Variants in PDZD2 observed in about 807,000 individuals in gnomAD.
The protein encoded by PDZD2 is PDZ domain-containing protein 2.
PDZD2 carries 90 observed loss-of-function variants against 220.7 expected under a neutral mutation model. The observed-to-expected ratio is 0.41, with a 90% confidence interval of 0.34 to 0.49. The LOEUF (loss-of-function observed/expected upper bound fraction) is 0.49, where lower values mean the gene tolerates loss of function less well. PDZD2 is among the 20% of genes least tolerant of loss of function. The pLI is 0.28. For synonymous variants in PDZD2, 1,375 were observed against 1,450.5 expected, an observed-to-expected ratio of 0.95 and a Z score of 1.18; for missense variants, 3,174 against 3,608.5, an observed-to-expected ratio of 0.88 and a Z score of 3.08.
At chr5:31,715,963 C>T (rs1440320641) in intron 1 of PDZD2, among the ~76,000 whole-genome samples, 1 of 152,184 alleles carries the variant, frequency 6.6e-6, no homozygotes, top group Non-Finnish European at 1.5e-5. Flanking sequence ...TCTCTCAGCC[C>T]GTGCAAAGCT....
At chr5:31,663,780 C>T (rs1005184465) in intron 1 of PDZD2, among the ~76,000 whole-genome samples, 7 of 152,146 alleles carry the variant, frequency 4.6e-5, no homozygotes, top group Admixed American at 2.0e-4. Flanking sequence ...ATGGTCACTG[C>T]TGTCGTATGA....
intron 6 of PDZD2, among the ~76,000 whole-genome samples, chr5:32,017,555 C>T (rs780790423): frequency 6.6e-6 from 1 of 151,516 alleles, no homozygotes; most frequent in Non-Finnish European, 1.5e-5. Context: ...CTGGGAATTT[C>T]TCTCTGGGAT....
At chr5:31,714,070 C>T (rs930341483) in intron 1 of PDZD2, among the ~76,000 whole-genome samples, 12 of 152,198 alleles carry the variant, frequency 7.9e-5, no homozygotes, top group African/African-American at 2.7e-4. Context: ...TCTCTTTAAT[C>T]ACAGTGACTA....
chr5:31,963,878 A>C (rs936487614), intron 2 of PDZD2, among the ~76,000 whole-genome samples: 1 of 151,126 alleles, frequency 6.6e-6, no homozygotes, highest in African/African-American at 2.4e-5. Context: ...GCCCACACAC[A>C]CCCCCATCCT....
At chr5:32,013,548 A>G (rs1753496789) in intron 6 of PDZD2, among the ~76,000 whole-genome samples, 1 of 152,114 alleles carries the variant, frequency 6.6e-6, no homozygotes, top group African/African-American at 2.4e-5. Flanking sequence ...TTTTGTCATA[A>G]CACACTAGAT....
At chr5:31,970,027 T>C (rs910898161) in intron 2 of PDZD2, among the ~76,000 whole-genome samples, 27 of 152,046 alleles carry the variant, frequency 1.8e-4, no homozygotes, top group African/African-American at 6.0e-4. Flanking sequence ...GCCTCCCGAG[T>C]AGCTGGGATT....
chr5:31,654,538 A>G lies in PDZD2; in HGVS notation c.-361+15101A>G, dbSNP rs141414467. Among the ~76,000 whole-genome samples the G allele has an allele frequency of 5.3e-3, 805 of 152,248 alleles. 3 individuals are homozygous for G. The highest frequency in any genetic ancestry group is 8.1e-3 in the Non-Finnish European group (552 of 68,028). ...CTTATCTCCATCCTGTACTCCTTGCATGTATAATTATCTACTTGACCCTCC... is the reference window on the plus strand; with the variant it reads ...CTTATCTCCATCCTGTACTCCTTGCGTGTATAATTATCTACTTGACCCTCC... On this transcript the variant is annotated intron_variant, in intron 1 of 24. Coordinates refer to ENST00000438447, the MANE Select transcript of PDZD2 (RefSeq NM_178140.4).
At chr5:32,097,129 A>G in intron 21 of PDZD2, 150 bp from the exon 22 acceptor site, 2 of 619,060 alleles carry the variant, frequency 3.2e-6, no homozygotes, top group South Asian at 4.0e-5. Flanking sequence ...CCTGGCTGAG[A>G]GCCAAAGAAC....
chr5:31,927,053 G>A (rs916605543), intron 2 of PDZD2, among the ~76,000 whole-genome samples: 3 of 152,166 alleles, frequency 2.0e-5, no homozygotes, highest in African/African-American at 7.2e-5. Flanking sequence ...AACAATAGAT[G>A]CTGGAGACTA....
In PDZD2 at chr5:31,759,547, T is replaced by A. The variant is rs924153252; in HGVS notation, c.-360-39342T>A. Among the ~76,000 whole-genome samples, 46 of 151,132 alleles carry A rather than the reference T, an allele frequency of 3.0e-4. 1 individual carries two copies. The highest frequency in any genetic ancestry group is 5.5e-4 in the Non-Finnish European group (37 of 67,746). On this transcript the variant is annotated intron_variant, in intron 1 of 24. Transcript: ENST00000438447. Reference sequence around the variant, plus strand: ...AAGGGACTTCTCAGAACTATTTTTTTTTTTTTTTTTTTGAGACTCACTCCG... The same window carrying A: ...AAGGGACTTCTCAGAACTATTTTTTATTTTTTTTTTTTGAGACTCACTCCG...
chr5:31,805,924 A>C (rs1754688007), intron 2 of PDZD2, among the ~76,000 whole-genome samples: 1 of 152,192 alleles, frequency 6.6e-6, no homozygotes. Context: ...AACGACCAGA[A>C]GCTGGGAGAG....
chr5:31,766,259 G>T (rs530801630), intron 1 of PDZD2, among the ~76,000 whole-genome samples: 1 of 152,280 alleles, frequency 6.6e-6, no homozygotes, highest in East Asian at 1.9e-4. Context: ...ACAAACAAAA[G>T]TATTCCCTTT....
At chr5:31,932,146 C>T (rs1163142655) in intron 2 of PDZD2, among the ~76,000 whole-genome samples, 2 of 152,186 alleles carry the variant, frequency 1.3e-5, no homozygotes, top group Non-Finnish European at 2.9e-5. Context: ...AATGTTAGTG[C>T]TTCCTGTTGT....
At chr5:31,824,419 A>G (rs1241436712) in intron 2 of PDZD2, among the ~76,000 whole-genome samples, 2 of 152,212 alleles carry the variant, frequency 1.3e-5, no homozygotes, top group Admixed American at 1.3e-4. Context: ...TTGCATGTAT[A>G]AATCTTGCCT....
At chr5:31,674,220 TAC>T (rs1301831109) in intron 1 of PDZD2, among the ~76,000 whole-genome samples, 2 of 152,170 alleles carry the variant, frequency 1.3e-5, no homozygotes, top group African/African-American at 4.8e-5. Flanking sequence ...AGGCTTCAAA[TAC>T]AGTCTGTGAA....
chr5:32,048,536 A>G lies in PDZD2; in HGVS notation c.1520-3A>G. ...ACTATGTTTTCTCCTCTGTTTTCTCAAGGGGGTGTACACCGCCTTGAGTCA... is the reference window on the plus strand; with the variant it reads ...ACTATGTTTTCTCCTCTGTTTTCTCGAGGGGGTGTACACCGCCTTGAGTCA... On this transcript the variant is annotated splice_polypyrimidine_tract_variant and splice_region_variant and intron_variant, in intron 7 of 24. Transcript: ENST00000438447. 6.2e-7 allele frequency: 1 copy of G among 1,612,508 alleles called. No homozygotes were observed. The highest frequency in any genetic ancestry group is 8.5e-7 in the Non-Finnish European group (1 of 1,178,754).
intron 1 of PDZD2, among the ~76,000 whole-genome samples, chr5:31,656,107 G>A (rs1168452719): frequency 1.3e-5 from 2 of 152,148 alleles, no homozygotes; most frequent in Non-Finnish European, 2.9e-5. Flanking sequence ...TTGAGCATCC[G>A]ACTTTTGTCT....
At chr5:31,763,256 G>A (rs1231440401) in intron 1 of PDZD2, among the ~76,000 whole-genome samples, 1 of 152,082 alleles carries the variant, frequency 6.6e-6, no homozygotes, top group African/African-American at 2.4e-5. Flanking sequence ...CCTGCCAGGG[G>A]CCACAGTCCC....
In PDZD2 at chr5:31,717,079, C is replaced by T. The variant is rs574379082; in HGVS notation, c.-361+77642C>T. On this transcript the variant is annotated intron_variant, in intron 1 of 24. Transcript: ENST00000438447. ...GAAGAGGAAGTCTCTCCCCAGTCAA[C>T]AAGGCCCCAGATGCCAAAACATTAA... Among the ~76,000 whole-genome samples the T allele has an allele frequency of 3.9e-5, 6 of 152,132 alleles. 1 individual carries two copies. Among genetic ancestry groups the T allele is most frequent in the African/African-American group, 1.4e-4 (6 of 41,492 alleles).
Sources: gnomAD v4.1 joint callset for allele counts (sites outside exome capture counted in the v4.1 genomes callset) on GRCh38, gnomAD v4.1.1 for gene constraint, MANE v1.5 for transcripts, NCBI Gene and HGNC (gene_info 2026-07-23, HGNC 2026-07-21) for gene names.